The following MRPL11 variants were observed in gnomAD, a reference collection of about 807,000 sequenced individuals.
MRPL11 encodes the protein mitochondrial ribosomal protein L11, also known as large ribosomal subunit protein uL11m.
MRPL11 carries 21 observed loss-of-function variants against 19.1 expected under a neutral mutation model. That is an observed-to-expected ratio of 1.10 (90% confidence interval 0.78 to 1.58). MRPL11 has a LOEUF of 1.58. MRPL11 is among the 40% of genes most tolerant of loss of function. MRPL11 has a pLI of 0.00. For synonymous variants in MRPL11, 108 were observed against 99.7 expected (o/e 1.08, Z -0.49); for missense variants, 242 against 243.9 (o/e 0.99, Z 0.05).
In MRPL11 at chr11:66,438,841, G is replaced by A; in HGVS notation, c.-87C>T. ...CACCATCTTGGGCCAGAGGTCAAGG[G>A]TCCTCACGTTAGGCTAGGGCAGGTG... On this transcript the variant is annotated 5_prime_UTR_variant, in exon 1 of 5. Coordinates refer to ENST00000310999, the MANE Select transcript of MRPL11 (RefSeq NM_016050.5). The A allele has an allele frequency of 7.5e-7, 1 of 1,332,266 alleles. No individual in the cohort carries two copies. Among genetic ancestry groups the A allele is most frequent in the South Asian group, 2.0e-5 (1 of 51,278 alleles). The allele number at this position is 1,332,266 out of a possible 1,614,324, so 82.5% of individuals were successfully genotyped here. A position where few individuals can be genotyped will look rare whatever the true frequency, so the allele number is the denominator to read the frequency against.
rs956351625 is a variant in MRPL11 at position 66,438,535 on chromosome 11, C to A, written c.123+97G>T. The A allele has an allele frequency of 2.8e-6, 4 of 1,449,960 alleles. No individual in the cohort carries two copies. In the African/African-American group the frequency reaches 4.3e-5, roughly 15 times the overall value. 89.8% of individuals were successfully genotyped at this position (1,449,960 alleles called of 1,614,324 possible). On this transcript the variant is annotated intron_variant, in intron 1 of 4. Coordinates refer to ENST00000310999, the MANE Select transcript of MRPL11 (RefSeq NM_016050.5). Reference sequence around the variant, plus strand: ...TGAGAAGCAGAGCCGAGCTCTGAACCGAGGCCCGGGTGGTTCCAGGGCCAG... The same window carrying A: ...TGAGAAGCAGAGCCGAGCTCTGAACAGAGGCCCGGGTGGTTCCAGGGCCAG...
chr11:66,436,311 C>T (rs1856968302), intron 4 of MRPL11, among the ~76,000 whole-genome samples, 199 bp from the exon 5 acceptor site: 1 of 152,140 alleles, frequency 6.6e-6, no homozygotes, highest in Non-Finnish European at 1.5e-5. Flanking sequence ...ACCCCCAACA[C>T]CCCTATCTTT....
intron 1 of MRPL11, 27 bp from the exon 2 acceptor site, chr11:66,438,286 G>A: frequency 6.5e-7 from 1 of 1,547,856 alleles, no homozygotes; most frequent in Admixed American, 1.7e-5. Flanking sequence ...GGGGGTTAGT[G>A]GTGAGAGGAG....
chr11:66,435,433 A>T lies in MRPL11; in HGVS notation c.*574T>A, dbSNP rs1856946434. 1 of 148,926 alleles carries T rather than the reference A, an allele frequency of 6.7e-6. No homozygotes were observed. Among genetic ancestry groups the T allele is most frequent in the Non-Finnish European group, 1.5e-5 (1 of 66,878 alleles). The allele number at this position is 148,926 out of a possible 1,614,324, so 9.2% of individuals were successfully genotyped here. A position where few individuals can be genotyped will look rare whatever the true frequency, so the allele number is the denominator to read the frequency against. ...CTGGGATCTGGGTACTCCATGTAGT[A>T]ACCCTGCCTGGGGCTGAACTGAGAT... On this transcript the variant is annotated 3_prime_UTR_variant, in exon 5 of 5. Coordinates refer to ENST00000310999, the MANE Select transcript of MRPL11 (RefSeq NM_016050.5).
chr11:66,436,968 C>A, intron 4 of MRPL11, 136 bp downstream of exon 4: 1 of 1,547,990 alleles, frequency 6.5e-7, no homozygotes, highest in Non-Finnish European at 8.9e-7. Context: ...GGCCTCCCAC[C>A]CCCACCCCAT....
chr11:66,438,632 C>T lies in MRPL11; in HGVS notation c.123G>A (p.Gln41=), dbSNP rs1168832163. The change falls in exon 1 of 5, where the codon CAG becomes CAA. Residue 41 remains glutamine, a splice_region_variant and synonymous_variant. Coordinates refer to ENST00000310999, the MANE Select transcript of MRPL11 (RefSeq NM_016050.5). ...CGTCGGGTTCCCGCCACGGCCGCAC[C>T]TGACCCAGCACTGGGCCTAGTGGGG... is the stretch of plus-strand genomic sequence containing the variant. ...PGPPLGPVLG[Q]RGVSINQFCK... 6.6e-7 allele frequency: 1 copy of T among 1,518,022 alleles called. No individual in the cohort carries two copies. The highest frequency in any genetic ancestry group is 2.3e-5 in the East Asian group (1 of 42,814). 94.0% of individuals were successfully genotyped at this position (1,518,022 alleles called of 1,614,324 possible). A position where few individuals can be genotyped will look rare whatever the true frequency, so the allele number is the denominator to read the frequency against.
Position 66,435,881 on chromosome 11 carries a change from G to C in MRPL11, c.*126C>G. 1.4e-6 allele frequency: 1 copy of C among 693,430 alleles called. No individual in the cohort carries two copies. Among genetic ancestry groups the C allele is most frequent in the Admixed American group, 2.2e-5 (1 of 44,964 alleles). The allele number at this position is 693,430 out of a possible 1,614,324, so 43.0% of individuals were successfully genotyped here. A position where few individuals can be genotyped will look rare whatever the true frequency, so the allele number is the denominator to read the frequency against. ...CAGGCCTGATGCCTCGATACAGCTA[G>C]ATGTACAAAAATATATCATTCAAAG... On this transcript the variant is annotated 3_prime_UTR_variant, in exon 5 of 5. Coordinates refer to ENST00000310999, the MANE Select transcript of MRPL11 (RefSeq NM_016050.5).
At chr11:66,437,023 C>T (rs759743291) in intron 4 of MRPL11, 81 bp downstream of exon 4, 10 of 1,575,956 alleles carry the variant, frequency 6.3e-6, no homozygotes, top group Non-Finnish European at 7.8e-6. Flanking sequence ...GACTTTCCCA[C>T]TGCAATGGGC....
In MRPL11 at chr11:66,438,689, C is replaced by T; in HGVS notation, c.66G>A (p.Ala22=). The T allele has an allele frequency of 6.3e-7, 1 of 1,579,592 alleles. No individual in the cohort carries two copies. Among genetic ancestry groups the T allele is most frequent in the Non-Finnish European group, 8.6e-7 (1 of 1,161,052 alleles). ...RKPEVGGVIR[A]IVRAGLAMPG... ...GCATGGCCAGGCCTGCCCGCACGAT[C>T]GCCCGGATCACACCGCCGACCTCGG... is the stretch of plus-strand genomic sequence containing the variant. Residue 22 remains alanine, a synonymous_variant, in exon 1 of 5, where the codon GCG becomes GCA. Transcript: ENST00000310999.
At position 66,438,272 on chromosome 11, in the gene MRPL11, C is replaced by T; in HGVS notation, c.124-13G>A. On this transcript the variant is annotated splice_polypyrimidine_tract_variant and intron_variant, in intron 1 of 4. Transcript: ENST00000310999. The stretch of plus-strand genomic sequence containing the variant: ...TGGAAACGCCTCTCTGTGAGGGAAG[C>T]AGAGGGGGTTAGTGGTGAGAGGAGG... 1 of 1,600,968 alleles carries T rather than the reference C, an allele frequency of 6.2e-7. No individual in the cohort carries two copies. Among genetic ancestry groups the T allele is most frequent in the Non-Finnish European group, 8.6e-7 (1 of 1,168,000 alleles).
chr11:66,438,746 C>T lies in MRPL11; in HGVS notation c.9G>A (p.Lys3=). 6.4e-7 allele frequency: 1 copy of T among 1,564,358 alleles called. No homozygotes were observed. Among genetic ancestry groups the T allele is most frequent in the Non-Finnish European group, 8.7e-7 (1 of 1,155,432 alleles). ...TGAGGCCCCGGGCGGCCCGGCCGAG[C>T]TTTGACATGATGCGGGGCTGCTGGC... MS[K]LGRAARGLRK... is the part of the protein sequence containing the mutation. Residue 3 remains lysine, a synonymous_variant, in exon 1 of 5, where the codon AAG becomes AAA. Transcript: ENST00000310999.
intron 1 of MRPL11, 126 bp downstream of exon 1, chr11:66,438,506 C>A: frequency 7.8e-7 from 1 of 1,287,782 alleles, no homozygotes; most frequent in Non-Finnish European, 1.1e-6. Flanking sequence ...GGACATAAAG[C>A]GTGTGAGAAG....
intron 4 of MRPL11, 24 bp downstream of exon 4, chr11:66,437,080 C>T: frequency 6.2e-7 from 1 of 1,610,646 alleles, no homozygotes; most frequent in Non-Finnish European, 8.5e-7. Flanking sequence ...CCTCTCGTCA[C>T]ACTGCACATG....
At chr11:66,437,967 G>A (rs116029543) in intron 2 of MRPL11, among the ~76,000 whole-genome samples, 197 bp downstream of exon 2, 2 of 152,184 alleles carry the variant, frequency 1.3e-5, no homozygotes, top group Admixed American at 1.3e-4. Context: ...CAGTGAGATG[G>A]AGGGGCAAAG....
chr11:66,436,941 T>C, intron 4 of MRPL11, 163 bp downstream of exon 4: 2 of 1,599,908 alleles, frequency 1.3e-6, no homozygotes, highest in Non-Finnish European at 1.7e-6. Flanking sequence ...ATAAGAGTAT[T>C]CCAGATCAAT....
intron 1 of MRPL11, 125 bp downstream of exon 1, chr11:66,438,507 G>C (rs1052340357): frequency 7.7e-7 from 1 of 1,295,196 alleles, no homozygotes; most frequent in Non-Finnish European, 1.1e-6. Flanking sequence ...GACATAAAGC[G>C]TGTGAGAAGC....
At position 66,437,082 on chromosome 11, in the gene MRPL11, CTGCACA is replaced by C. The variant is rs781630479; in HGVS notation, c.473+16_473+21del. On this transcript the variant is annotated intron_variant, in intron 4 of 4. Transcript: ENST00000310999. The stretch of plus-strand genomic sequence containing the variant: ...GAGCTTTCTGGGCCCTCTCGTCACA[CTGCACA>C]TGCCAGGATACTTACTCCTTCACCA... 52 of 1,610,736 alleles carry C rather than the reference CTGCACA, an allele frequency of 3.2e-5. No homozygotes were observed. Among genetic ancestry groups the C allele is most frequent in the Non-Finnish European group, 4.1e-5 (48 of 1,177,616 alleles).
chr11:66,435,893 T>C lies in MRPL11; in HGVS notation c.*114A>G. ...CTCGATACAGCTAGATGTACAAAAATATATCATTCAAAGTCATGAAAACCA... is the reference window on the plus strand; with the variant it reads ...CTCGATACAGCTAGATGTACAAAAACATATCATTCAAAGTCATGAAAACCA... On this transcript the variant is annotated 3_prime_UTR_variant, in exon 5 of 5. Coordinates refer to ENST00000310999, the MANE Select transcript of MRPL11 (RefSeq NM_016050.5). 1 of 748,302 alleles carries C rather than the reference T, an allele frequency of 1.3e-6. No individual in the cohort carries two copies. The highest frequency in any genetic ancestry group is 2.3e-6 in the Non-Finnish European group (1 of 430,206). The allele number at this position is 748,302 out of a possible 1,614,324, so 46.4% of individuals were successfully genotyped here. A position where few individuals can be genotyped will look rare whatever the true frequency, so the allele number is the denominator to read the frequency against.
Position 66,438,576 on chromosome 11 carries a change from TC to T in MRPL11, c.123+55del. On this transcript the variant is annotated intron_variant, in intron 1 of 4. Transcript: ENST00000310999. ...CCAGGGCCAGCGCCCTCCATCCGCG[TC>T]CTAGCTTCCACCATCCTAGACAACC... 6.7e-6 allele frequency: 10 copies of T among 1,486,352 alleles called. 1 individual carries two copies. Among genetic ancestry groups the T allele is most frequent in the Non-Finnish European group, 8.9e-6 (10 of 1,120,920 alleles). 92.1% of individuals were successfully genotyped at this position (1,486,352 alleles called of 1,614,324 possible).
Sources: gnomAD v4.1 joint callset for allele counts (sites outside exome capture counted in the v4.1 genomes callset) on GRCh38, gnomAD v4.1.1 for gene constraint, MANE v1.5 for transcripts, NCBI Gene and HGNC (gene_info 2026-07-23, HGNC 2026-07-21) for gene names.